MIB1: variants seen among roughly 807,000 people sequenced by gnomAD.
MIB1 encodes MIB E3 ubiquitin protein ligase 1, also known as E3 ubiquitin-protein ligase MIB1.
In MIB1, 278 loss-of-function variants were observed where a neutral mutation model predicts 124.5. That is an observed-to-expected ratio of 2.23 (90% CI 2.02 to 2.47). The LOEUF (loss-of-function observed/expected upper bound fraction) is 2.47. Ranked by LOEUF, MIB1 falls within the 30% of genes most tolerant of loss-of-function variation. The pLI, the probability that MIB1 is intolerant of heterozygous loss-of-function variation, is 0.00. For missense variants in MIB1, 957 were observed against 1,254.4 expected, an observed-to-expected ratio of 0.76 and a Z score of 3.58; for synonymous variants, 446 against 429.4, an observed-to-expected ratio of 1.04 and a Z score of -0.48.
chr18:21,705,200 T>C (rs2040613337), intron 1 of MIB1: 1 of 152,340 alleles, frequency 6.6e-6, no homozygotes, highest in Non-Finnish European at 1.5e-5. Context: ...CCACATCCTC[T>C]AGACGTTTGC....
chr18:21,721,159 G>GTTTGTTTTTTTTT (rs2040712847), intron 1 of MIB1, among the ~76,000 whole-genome samples: 3 of 29,764 alleles, frequency 1.0e-4, no homozygotes, highest in Non-Finnish European at 1.5e-4. Context: ...TTTTAAAGAA[G>GTTTGTTTTTTTTT]TTTTTTTTTT....
intron 1 of MIB1, among the ~76,000 whole-genome samples, chr18:21,712,888 A>C (rs770434337): frequency 1.3e-5 from 2 of 152,224 alleles, no homozygotes; most frequent in Non-Finnish European, 2.9e-5. Context: ...AATCATTTAA[A>C]GATTAATAAA....
chr18:21,780,458 TCTC>T (rs1021486880), intron 6 of MIB1, among the ~76,000 whole-genome samples: 6 of 152,166 alleles, frequency 3.9e-5, no homozygotes, highest in African/African-American at 1.4e-4. Flanking sequence ...ACATTTTACA[TCTC>T]CTCATATGAG....
rs528377842 is a variant in MIB1, at chr18:21,807,032, A to T, written c.1479+3018A>T. 2.0e-5 allele frequency among the ~76,000 whole-genome samples: 3 copies of T among 152,330 alleles called. No individual in the cohort carries two copies. The South Asian group carries it at 6.2e-4, about 32-fold the overall frequency. ...TCCATTTTGTGCATTTTTTTATTTT[A>T]AAATTCATTATAAGCAGGTGCGGTT... On this transcript the variant is annotated intron_variant, in intron 10 of 20. Transcript: ENST00000261537.
rs778692164 is a variant in MIB1, at chr18:21,838,506, A to G, written c.1962+9A>G. ...AACTGTTGGTACATCAGGTAAGAAA[A>G]GAGTTAAATAATTCCCTCTTTTTTA... is the stretch of plus-strand genomic sequence containing the variant. On this transcript the variant is annotated intron_variant, in intron 13 of 20. Transcript: ENST00000261537. 5.1e-6 allele frequency: 8 copies of G among 1,569,116 alleles called. No individual in the cohort carries two copies.
chr18:21,740,737 G>A (rs1568181210), upstream of MIB1, among the ~76,000 whole-genome samples: 1 of 152,252 alleles, frequency 6.6e-6, no homozygotes, highest in Non-Finnish European at 1.5e-5. Context: ...ATCGCCCGGG[G>A]CTGGGGTTGG....
intron 11 of MIB1, among the ~76,000 whole-genome samples, chr18:21,818,471 A>G (rs1186169953): frequency 6.6e-6 from 1 of 152,116 alleles, no homozygotes; most frequent in Non-Finnish European, 1.5e-5. Flanking sequence ...CATTAGTTAT[A>G]TTTGAGGCTA....
intron 1 of MIB1, among the ~76,000 whole-genome samples, chr18:21,730,604 G>A (rs2040764742): frequency 6.6e-6 from 1 of 152,120 alleles, no homozygotes; most frequent in Non-Finnish European, 1.5e-5. Flanking sequence ...GTTGTTCTCT[G>A]TCTCAATGAA....
chr18:21,791,593 A>G (rs756915413), intron 7 of MIB1, 36 bp downstream of exon 7: 4 of 1,501,662 alleles, frequency 2.7e-6, no homozygotes, highest in South Asian at 1.2e-5. Flanking sequence ...GCTAGAAATT[A>G]CAATATACTT....
intron 1 of MIB1, among the ~76,000 whole-genome samples, chr18:21,713,170 T>C (rs937441126): frequency 6.6e-6 from 1 of 152,080 alleles, no homozygotes; most frequent in Admixed American, 6.6e-5. Flanking sequence ...GGTCTCACTA[T>C]GTTGCCCTGA....
At position 21,817,165 on chromosome 18, in the gene MIB1, T is replaced by C. The variant is rs560159729; in HGVS notation, c.1677+1352T>C. On this transcript the variant is annotated intron_variant, in intron 11 of 20. Transcript: ENST00000261537. ...TTGGGTTAGGAATTCTTTTTTTTTTTTTTTTTTTTTTTTTGAGGCAGGGTC... is the reference window on the plus strand; with the variant it reads ...TTGGGTTAGGAATTCTTTTTTTTTTCTTTTTTTTTTTTTTGAGGCAGGGTC... 2.9e-4 allele frequency among the ~76,000 whole-genome samples: 42 copies of C among 144,758 alleles called. No individual in the cohort carries two copies. In the South Asian group the frequency reaches 9.6e-3, roughly 33 times the overall value. The allele number at this position is 144,758 out of a possible 152,430, so 95.0% of individuals were successfully genotyped here. A position where few individuals can be genotyped will look rare whatever the true frequency, so the allele number is the denominator to read the frequency against.
chr18:21,842,227 T>C (rs763865914), intron 13 of MIB1, among the ~76,000 whole-genome samples: 9 of 151,704 alleles, frequency 5.9e-5, no homozygotes, highest in Non-Finnish European at 1.0e-4. Flanking sequence ...ATTACCAAAG[T>C]TTCAGCTCTG....
chr18:21,768,591 A>G (rs2041190477), intron 2 of MIB1, 32 bp from the exon 3 acceptor site: 3 of 1,424,646 alleles, frequency 2.1e-6, no homozygotes, highest in South Asian at 1.4e-5. Flanking sequence ...CTATTTTTAT[A>G]TAAACTTGAA....
intron 10 of MIB1, among the ~76,000 whole-genome samples, chr18:21,810,227 G>C (rs1008038876): frequency 1.3e-5 from 2 of 151,958 alleles, no homozygotes; most frequent in African/African-American, 4.8e-5. Context: ...ACAAAATATT[G>C]CTGAAAGAAA....
chr18:21,773,801 A>G (rs2146417836), intron 4 of MIB1, 73 bp downstream of exon 4: 1 of 884,552 alleles, frequency 1.1e-6, no homozygotes, highest in South Asian at 1.7e-5. Context: ...CTCTTTTATT[A>G]TTTTTCCTTT....
chr18:21,800,246 G>T (rs1464542048), intron 9 of MIB1, among the ~76,000 whole-genome samples: 1 of 151,608 alleles, frequency 6.6e-6, no homozygotes, highest in African/African-American at 2.4e-5. Flanking sequence ...GAAATTCAGC[G>T]ATTTTTTTTT....
chr18:21,793,044 G>C (rs572563672), intron 7 of MIB1, among the ~76,000 whole-genome samples: 1 of 152,316 alleles, frequency 6.6e-6, no homozygotes, highest in Admixed American at 6.5e-5. Flanking sequence ...ACCACTGACA[G>C]CTATTGAGTC....
chr18:21,793,087 A>G (rs1222375122), intron 7 of MIB1, among the ~76,000 whole-genome samples: 1 of 152,232 alleles, frequency 6.6e-6, no homozygotes, highest in Non-Finnish European at 1.5e-5. Flanking sequence ...GAGAGAATTA[A>G]TGAGGCATCT....
intron 1 of MIB1, among the ~76,000 whole-genome samples, chr18:21,762,207 A>G (rs1303488578): frequency 6.6e-6 from 1 of 152,250 alleles, no homozygotes; most frequent in Non-Finnish European, 1.5e-5. Flanking sequence ...CAATCTCTAT[A>G]GAAGGCACTT....
Sources: gnomAD v4.1 joint callset for allele counts (sites outside exome capture counted in the v4.1 genomes callset) on GRCh38, gnomAD v4.1.1 for gene constraint, MANE v1.5 for transcripts, NCBI Gene and HGNC (gene_info 2026-07-23, HGNC 2026-07-21) for gene names.